The following CAMTA1 variants were observed in gnomAD, a reference collection of about 807,000 sequenced individuals.
The protein encoded by CAMTA1 is calmodulin binding transcription activator 1, also known as calmodulin-binding transcription activator 1.
Under a neutral mutation model 170.9 loss-of-function variants are expected in CAMTA1, and 27 were observed. The observed-to-expected ratio is 0.16, with a 90% CI of 0.12 to 0.22. CAMTA1 has a LOEUF of 0.22. CAMTA1 is among the 10% of genes least tolerant of loss of function. The probability of loss-of-function intolerance (pLI) is 1.00; values close to 1 mark genes in which losing one functional copy is unlikely to be tolerated. For missense variants in CAMTA1, 1,619 were observed against 2,217.2 expected (o/e 0.73, Z 5.42); for synonymous variants, 833 against 891.5 (o/e 0.93, Z 1.17).
intron 6 of CAMTA1, among the ~76,000 whole-genome samples, chr1:7,539,113 C>T (rs2094580345): frequency 6.6e-6 from 1 of 152,370 alleles, no homozygotes; most frequent in Admixed American, 6.5e-5. Context: ...GTGTTTTATA[C>T]ATATTTGAAC....
intron 11 of CAMTA1, among the ~76,000 whole-genome samples, chr1:7,687,831 T>G (rs2149372466): frequency 6.6e-6 from 1 of 152,118 alleles, no homozygotes; most frequent in South Asian, 2.1e-4. Flanking sequence ...AGGAACAAAC[T>G]GTGATTCACC....
chr1:7,236,908 C>A (rs1465783953), intron 4 of CAMTA1, among the ~76,000 whole-genome samples: 1 of 152,222 alleles, frequency 6.6e-6, no homozygotes, highest in African/African-American at 2.4e-5. Context: ...CAACTGCCCA[C>A]TGGAACAGAG....
intron 4 of CAMTA1, among the ~76,000 whole-genome samples, chr1:7,159,228 C>G (rs1647063906): frequency 6.6e-6 from 1 of 151,892 alleles, no homozygotes; most frequent in Admixed American, 6.6e-5. Flanking sequence ...GAATTTTGAC[C>G]TTATTTGATT....
intron 6 of CAMTA1, among the ~76,000 whole-genome samples, chr1:7,567,572 C>T (rs2095058546): frequency 6.6e-6 from 1 of 152,218 alleles, no homozygotes; most frequent in African/African-American, 2.4e-5. Context: ...AACCCCTGTG[C>T]CAGCCCAGCT....
chr1:7,042,135 C>G (rs897926338), intron 3 of CAMTA1, among the ~76,000 whole-genome samples: 4 of 152,206 alleles, frequency 2.6e-5, no homozygotes, highest in Non-Finnish European at 1.5e-5. Context: ...GAGAATTCCC[C>G]TCCTCCAGCC....
chr1:7,104,281 A>AC (rs1198927138), intron 4 of CAMTA1, among the ~76,000 whole-genome samples: 1 of 121,794 alleles, frequency 8.2e-6, no homozygotes, highest in East Asian at 3.1e-4. Flanking sequence ...ATGCACACAA[A>AC]ACAAATATTC....
At chr1:7,158,883 T>C (rs1647042189) in intron 4 of CAMTA1, among the ~76,000 whole-genome samples, 1 of 152,064 alleles carries the variant, frequency 6.6e-6, no homozygotes, top group Non-Finnish European at 1.5e-5. Context: ...GAGGTTTCCC[T>C]TTGGGTTAGG....
chr1:7,615,953 A>G (rs988216036), intron 6 of CAMTA1, among the ~76,000 whole-genome samples: 1 of 152,256 alleles, frequency 6.6e-6, no homozygotes, highest in Admixed American at 6.5e-5. Flanking sequence ...AATGTTTTAT[A>G]CAGGATTTCT....
chr1:7,753,229 T>C (rs1371682985), intron 21 of CAMTA1, among the ~76,000 whole-genome samples: 2 of 152,244 alleles, frequency 1.3e-5, no homozygotes, highest in African/African-American at 2.4e-5. Context: ...TTTCTCTTTG[T>C]TCCTCAAATT....
intron 3 of CAMTA1, among the ~76,000 whole-genome samples, chr1:6,850,277 A>G (rs376219293): frequency 6.6e-6 from 1 of 152,236 alleles, no homozygotes; most frequent in Non-Finnish European, 1.5e-5. Flanking sequence ...TCATAAAATT[A>G]AAGTGTAAAT....
rs755920468 is a variant in CAMTA1, at chr1:7,661,779, G to A, written c.718G>A (p.Val240Met). 10 of 1,613,846 alleles carry A rather than the reference G, an allele frequency of 6.2e-6. No homozygotes were observed. In the African/African-American group the frequency reaches 1.1e-4, roughly 17 times the overall value. The change falls in exon 8 of 23, where the codon GTG becomes ATG. Residue 240 changes from valine to methionine, a missense_variant. Physicochemically the swap from Val to Met is conservative, Grantham distance 21 (BLOSUM62 1). Transcript: ENST00000303635. Reference sequence around the variant, plus strand: ...TGGGAACAGCAGCTCAGGCTTCTCGGTGGAACAGCTGGTGCAGCAGATCCT... The same window carrying A: ...TGGGAACAGCAGCTCAGGCTTCTCGATGGAACAGCTGGTGCAGCAGATCCT... ...SNGNSSSGFS[V>M]EQLVQQILDS...
At chr1:7,724,848 A>C (rs1303120228) in intron 11 of CAMTA1, among the ~76,000 whole-genome samples, 1 of 150,826 alleles carries the variant, frequency 6.6e-6, no homozygotes, top group African/African-American at 2.4e-5. Context: ...GATCGCATGT[A>C]TTAGTTTATT....
intron 5 of CAMTA1, among the ~76,000 whole-genome samples, chr1:7,434,769 G>A (rs1191342364): frequency 6.6e-6 from 1 of 152,008 alleles, no homozygotes; most frequent in African/African-American, 2.4e-5. Context: ...AGCCGGGCAT[G>A]GTGGCTCACG....
chr1:6,938,412 A>C (rs1262624886), intron 3 of CAMTA1, among the ~76,000 whole-genome samples: 1 of 152,064 alleles, frequency 6.6e-6, no homozygotes, highest in East Asian at 1.9e-4. Context: ...GCGTCACAGC[A>C]GGAGGTGGGG....
intron 6 of CAMTA1, among the ~76,000 whole-genome samples, chr1:7,599,600 C>T (rs1268939074): frequency 4.0e-5 from 6 of 151,876 alleles, no homozygotes; most frequent in Admixed American, 2.0e-4. Flanking sequence ...TTTGTTTGTA[C>T]CCTCTTTTAT....
chr1:7,486,391 A>G (rs1401131868), intron 6 of CAMTA1, among the ~76,000 whole-genome samples: 1 of 152,226 alleles, frequency 6.6e-6, no homozygotes, highest in African/African-American at 2.4e-5. Context: ...GCCAGCTCCA[A>G]CAACCCAGTC....
At chr1:7,221,930 C>CACACAT (rs769887728) in intron 4 of CAMTA1, among the ~76,000 whole-genome samples, 1 of 135,598 alleles carries the variant, frequency 7.4e-6, no homozygotes, top group African/African-American at 2.6e-5. Context: ...CACACACATA[C>CACACAT]ACACACACAC....
In CAMTA1 at chr1:7,325,600, T is replaced by A. The variant is rs1260068985; in HGVS notation, c.438+75974T>A. 6.6e-6 allele frequency among the ~76,000 whole-genome samples: 1 copy of A among 152,218 alleles called. No individual in the cohort carries two copies. Among genetic ancestry groups the A allele is most frequent in the Non-Finnish European group, 1.5e-5 (1 of 68,036 alleles). On this transcript the variant is annotated intron_variant, in intron 5 of 22. Transcript: ENST00000303635. The surrounding 1 kb of genome is among the most constrained non-coding windows in gnomAD (Gnocchi z 5.0). ...AAGGGGTCTTGGACTTGGCACAGAT[T>A]TCCTAATGGAACAGAGATGGGGTAG...
At chr1:7,198,726 C>CAAGT (rs1222943474) in intron 4 of CAMTA1, among the ~76,000 whole-genome samples, 4 of 152,074 alleles carry the variant, frequency 2.6e-5, no homozygotes, top group African/African-American at 9.7e-5. Flanking sequence ...CCCATAGCTT[C>CAAGT]CCTTGTTCCT....
Sources: allele counts gnomAD v4.1 joint callset (sites outside exome capture counted in the v4.1 genomes callset), GRCh38; gene constraint gnomAD v4.1.1; non-coding constraint Gnocchi (gnomAD v3.1); transcripts MANE v1.5; gene names NCBI Gene and HGNC (gene_info 2026-07-23, HGNC 2026-07-21).